PLEKHG4B: variants seen among roughly 807,000 people sequenced by gnomAD.
PLEKHG4B encodes the protein pleckstrin homology domain-containing family G member 4B.
In PLEKHG4B, 111 loss-of-function variants were observed where a neutral mutation model predicts 121.3. That is an observed-to-expected ratio of 0.92 (90% confidence interval 0.78 to 1.07). PLEKHG4B has a LOEUF of 1.07. Ranked by LOEUF, PLEKHG4B falls within the 50% of genes least tolerant of loss-of-function variation. PLEKHG4B has a pLI of 0.00. For synonymous variants in PLEKHG4B, 738 were observed against 725.0 expected (o/e 1.02, Z -0.29); for missense variants, 1,831 against 1,757.8 (o/e 1.04, Z -0.74).
At position 157,675 on chromosome 5, in the gene PLEKHG4B, T is replaced by C. The variant is rs1031946118; in HGVS notation, c.2487+764T>C. Among the ~76,000 whole-genome samples the C allele has an allele frequency of 1.3e-5, 2 of 152,218 alleles. No homozygotes were observed. Among genetic ancestry groups the C allele is most frequent in the Admixed American group, 1.3e-4 (2 of 15,290 alleles). On this transcript the variant is annotated intron_variant, in intron 11 of 19. Transcript: ENST00000637938. This position sits in a 1 kb window ranked among gnomAD's most constrained non-coding sequence, Gnocchi z 4.6. ...TGCTGCTGCCTCATTTTGATGCCCCTCTGGGCCTGACAGTTTAAGGGGTGC... is the reference window on the plus strand; with the variant it reads ...TGCTGCTGCCTCATTTTGATGCCCCCCTGGGCCTGACAGTTTAAGGGGTGC...
rs1455582233 is a variant in PLEKHG4B at position 113,643 on chromosome 5, C to T, written c.243+195C>T. Among the ~76,000 whole-genome samples, 2 of 152,220 alleles carry T rather than the reference C, an allele frequency of 1.3e-5. No individual in the cohort carries two copies. Among genetic ancestry groups the T allele is most frequent in the East Asian group, 3.8e-4 (2 of 5,206 alleles). Reference sequence around the variant, plus strand: ...CCAGCAACAAGGGTTTCTCAGGCTTCCCAGGAGTGTGGAGCCCTCTTTGTC... The same window carrying T: ...CCAGCAACAAGGGTTTCTCAGGCTTTCCAGGAGTGTGGAGCCCTCTTTGTC... On this transcript the variant is annotated intron_variant, in intron 2 of 19. Coordinates refer to ENST00000637938, the MANE Select transcript of PLEKHG4B (RefSeq NM_052909.5). This position sits in a 1 kb window ranked among gnomAD's most constrained non-coding sequence, Gnocchi z 5.2.
At chr5:129,747 ATAG>A (rs1436357549) in intron 2 of PLEKHG4B, among the ~76,000 whole-genome samples, 1 of 152,178 alleles carries the variant, frequency 6.6e-6, no homozygotes, top group Non-Finnish European at 1.5e-5. Flanking sequence ...CCCCATCAAG[ATAG>A]TGGTGGGTGA....
chr5:133,770 C>T (rs1734845986), intron 2 of PLEKHG4B, among the ~76,000 whole-genome samples: 1 of 151,916 alleles, frequency 6.6e-6, no homozygotes, highest in Admixed American at 6.6e-5. Context: ...CCAGCAAATC[C>T]CACTCTTGGG....
intron 1 of PLEKHG4B, among the ~76,000 whole-genome samples, chr5:112,329 G>A (rs1450193653): frequency 2.6e-5 from 4 of 152,202 alleles, no homozygotes; most frequent in Non-Finnish European, 4.4e-5. Flanking sequence ...GGCCAGAGGA[G>A]TCCCTGTTTT....
In PLEKHG4B at chr5:173,038, G is replaced by T. The variant is rs750021350; in HGVS notation, c.4192G>T (p.Asp1398Tyr). 2 of 1,614,088 alleles carry T rather than the reference G, an allele frequency of 1.2e-6. No homozygotes were observed. The highest frequency in any genetic ancestry group is 1.3e-5 in the African/African-American group (1 of 75,024). The part of the protein sequence containing the change: ...SKTQKVEGSH[D>Y]VYLYKQSFKT... ...GACCCAGAAGGTGGAGGGCAGCCAC[G>T]ACGTCTACCTGTACAAGCAGTCCTT... The change falls in exon 17 of 20, where the codon GAC becomes TAC. Residue 1398 changes from aspartate to tyrosine, a missense_variant. By Grantham distance (160) the Asp-to-Tyr change is radical (BLOSUM62 -3). Transcript: ENST00000637938.
chr5:140,380 C>A lies in PLEKHG4B; in HGVS notation c.1141C>A (p.Leu381Met). Residue 381 changes from leucine (L) to methionine (M), a missense_variant, in exon 3 of 20, where the codon CTG becomes ATG. Physicochemically the swap from Leu to Met is conservative, Grantham distance 15. Transcript: ENST00000637938. Reference sequence around the variant, plus strand: ...CCTCGGGGACCTGGCCTGCAGCTCCCTGACTGGAGCCAGCAGGGACCTGGG... The same window carrying A: ...CCTCGGGGACCTGGCCTGCAGCTCCATGACTGGAGCCAGCAGGGACCTGGG... Reference protein sequence around the residue: ...EALGDLACSSLTGASRDLGTG... With the variant: ...EALGDLACSSMTGASRDLGTG... The A allele has an allele frequency of 1.3e-6, 2 of 1,552,278 alleles. No homozygotes were observed. The highest frequency in any genetic ancestry group is 1.2e-5 in the South Asian group (1 of 83,770).
At chr5:124,935 A>AC (rs55655355) in intron 2 of PLEKHG4B, among the ~76,000 whole-genome samples, 28,618 of 151,938 alleles carry the variant, frequency 0.19, 3,735 homozygotes, top group African/African-American at 0.37. Context: ...GGAGTTTGAG[A>AC]CAGCCTGGCC....
rs192478120 is a variant in PLEKHG4B, at chr5:181,369, C to G, written c.4403-145C>G. The G allele has an allele frequency of 9.0e-5, 71 of 790,700 alleles. No homozygotes were observed. In the East Asian group the frequency reaches 2.0e-3, roughly 22 times the overall value. The allele number at this position is 790,700 out of a possible 1,614,324, so 49.0% of individuals were successfully genotyped here. On this transcript the variant is annotated intron_variant, in intron 18 of 19. Transcript: ENST00000637938. ...GGAATGGGAAGCCTCAGCACCCTGG[C>G]CCCCCATGCCCCTCGTGGGGCAGGG...
chr5:104,049 CG>C (rs1733900108), intron 1 of PLEKHG4B, among the ~76,000 whole-genome samples: 2 of 149,484 alleles, frequency 1.3e-5, no homozygotes, highest in African/African-American at 4.9e-5. Context: ...GTCCCAGCAC[CG>C]ATTCCTAAAC....
chr5:160,511 T>G (rs939973029), intron 11 of PLEKHG4B, among the ~76,000 whole-genome samples: 1 of 152,156 alleles, frequency 6.6e-6, no homozygotes, highest in Non-Finnish European at 1.5e-5. Flanking sequence ...CAGCTGGACA[T>G]TCTCTTCACA....
At chr5:109,420 A>T (rs35050544) in intron 1 of PLEKHG4B, among the ~76,000 whole-genome samples, 8,399 of 148,694 alleles carry the variant, frequency 0.056, 349 homozygotes, top group Non-Finnish European at 0.083. Flanking sequence ...AAAAAAAAAA[A>T]ATCCAGCCAG....
intron 2 of PLEKHG4B, among the ~76,000 whole-genome samples, chr5:120,627 GCT>G (rs1281420601): frequency 2.0e-5 from 3 of 152,088 alleles, no homozygotes; most frequent in Non-Finnish European, 2.9e-5. Flanking sequence ...CCCCAAATTG[GCT>G]CTGTTTCCAA....
At chr5:101,275 C>A (rs1476224421) in intron 1 of PLEKHG4B, among the ~76,000 whole-genome samples, 1 of 110,952 alleles carries the variant, frequency 9.0e-6, no homozygotes, top group African/African-American at 4.8e-5. Flanking sequence ...TGAGGTAAAT[C>A]CATATAAAGC....
chr5:138,635 G>A (rs1407739938), intron 2 of PLEKHG4B, among the ~76,000 whole-genome samples: 1 of 152,188 alleles, frequency 6.6e-6, no homozygotes, highest in South Asian at 2.1e-4. Context: ...AATGGGCCTC[G>A]TGCTTGAGAA....
rs142164751 is a variant in PLEKHG4B, at chr5:170,057, G to A, written c.3729+465G>A. On this transcript the variant is annotated intron_variant, in intron 14 of 19. Transcript: ENST00000637938. ...CTGTGAGGCTTTCAACTGGAAGCAC[G>A]TTGAATGTACAGACCCAGTGGTCTC... Among the ~76,000 whole-genome samples the A allele has an allele frequency of 4.6e-5, 7 of 152,332 alleles. No homozygotes were observed. The East Asian group carries it at 1.2e-3, about 25-fold the overall frequency.
chr5:101,280 T>G (rs1191853649), intron 1 of PLEKHG4B, among the ~76,000 whole-genome samples: 1 of 123,740 alleles, frequency 8.1e-6, no homozygotes, highest in Non-Finnish European at 1.6e-5. Flanking sequence ...TAAATCCATA[T>G]AAAGCCCTGG....
In PLEKHG4B at chr5:154,035, C is replaced by T. The variant is rs537777895; in HGVS notation, c.1993-840C>T. On this transcript the variant is annotated intron_variant, in intron 7 of 19. Coordinates refer to ENST00000637938, the MANE Select transcript of PLEKHG4B (RefSeq NM_052909.5). ...TTATTTTTTTTTTGAGACAGAGTCT[C>T]GTTCTATGTCGCCAGGCTGGAGTGC... Among the ~76,000 whole-genome samples, 22 of 150,790 alleles carry T rather than the reference C, an allele frequency of 1.5e-4. No homozygotes were observed. The South Asian group carries it at 1.5e-3, about 10-fold the overall frequency.
Position 143,455 on chromosome 5 carries a change from C to G in PLEKHG4B, c.1763C>G (p.Ser588Cys), listed in dbSNP as rs141223878. 35 of 1,612,824 alleles carry G rather than the reference C, an allele frequency of 2.2e-5. No individual in the cohort carries two copies. In the African/African-American group the frequency reaches 4.4e-4, roughly 20 times the overall value. ...RSLLWTREHS[S>C]CAELTRLLLY... ...CTGCTCTGGACCAGGGAACACTCGT[C>G]CTGTGCTGAGCTGACCCGCCTGCTG... The change falls in exon 5 of 20, where the codon TCC becomes TGC. Residue 588 changes from serine to cysteine, a missense_variant. Coordinates refer to ENST00000637938, the MANE Select transcript of PLEKHG4B (RefSeq NM_052909.5).
At chr5:132,448 G>A (rs1382927702) in intron 2 of PLEKHG4B, among the ~76,000 whole-genome samples, 1 of 152,030 alleles carries the variant, frequency 6.6e-6, no homozygotes, top group Admixed American at 6.6e-5. Flanking sequence ...TTGGGTTCTT[G>A]GTCATGAAGT....
Sources: gnomAD v4.1 joint callset for allele counts (sites outside exome capture counted in the v4.1 genomes callset) on GRCh38, gnomAD v4.1.1 for gene constraint, Gnocchi (gnomAD v3.1) non-coding constraint, MANE v1.5 for transcripts, NCBI Gene and HGNC (gene_info 2026-07-23, HGNC 2026-07-21) for gene names.